The following HERC6 variants were observed in gnomAD, a reference collection of about 807,000 sequenced individuals.
HERC6 encodes the protein probable E3 ubiquitin-protein ligase HERC6.
Under a neutral mutation model 114.5 loss-of-function variants are expected in HERC6, and 101 were observed. The observed-to-expected ratio is 0.88, with a 90% CI of 0.75 to 1.04. HERC6 has a LOEUF of 1.04. HERC6 is among the 50% of genes least tolerant of loss of function. HERC6 has a pLI of 0.00. For synonymous variants in HERC6, 408 were observed against 436.2 expected, an observed-to-expected ratio of 0.94 and a Z score of 0.81; for missense variants, 1,133 against 1,230.9, an observed-to-expected ratio of 0.92 and a Z score of 1.19.
chr4:88,414,921 C>T (rs1736349079), intron 12 of HERC6, among the ~76,000 whole-genome samples: 1 of 152,114 alleles, frequency 6.6e-6, no homozygotes, highest in Non-Finnish European at 1.5e-5. Flanking sequence ...TTACCCAGCT[C>T]CTATTCAAGA....
At position 88,442,328 on chromosome 4, in the gene HERC6, C is replaced by G. The variant is rs753335568; in HGVS notation, c.2937C>G (p.His979Gln). ...CTGAAACTTTCAGTGAAAGAGATCA[C>G]CCAACATCAATAACTTGTCATAATA... is the stretch of plus-strand genomic sequence containing the variant. ...RCPETFSERDHPTSITCHNIL... is the reference protein window; with the variant it reads ...RCPETFSERDQPTSITCHNIL... The change falls in exon 23 of 23, where the codon CAC (histidine) becomes CAG (glutamine). Residue 979 changes from histidine (H) to glutamine (Q), a missense_variant. This residue lies in a region of HERC6 where 388 missense variants were observed against 445.9 expected (regional missense o/e 0.87). Coordinates refer to ENST00000264346, the MANE Select transcript of HERC6 (RefSeq NM_017912.4). 83 of 1,613,520 alleles carry G rather than the reference C, an allele frequency of 5.1e-5. 1 individual carries two copies. The South Asian group carries it at 8.5e-4, about 16-fold the overall frequency.
intron 8 of HERC6, among the ~76,000 whole-genome samples, chr4:88,403,713 C>T (rs918855543): frequency 6.6e-5 from 10 of 151,968 alleles, no homozygotes; most frequent in African/African-American, 2.4e-4. Context: ...AAGATCATGC[C>T]ACTGCACTCC....
At chr4:88,385,604 G>A in intron 3 of HERC6, 29 bp downstream of exon 3, 1 of 1,207,796 alleles carries the variant, frequency 8.3e-7, no homozygotes, top group Non-Finnish European at 1.2e-6. Context: ...ATCTGAGTGT[G>A]AGTAGGAAGT....
chr4:88,383,453 C>T lies in HERC6; in HGVS notation c.359+73C>T. On this transcript the variant is annotated intron_variant, in intron 2 of 22. Coordinates refer to ENST00000264346, the MANE Select transcript of HERC6 (RefSeq NM_017912.4). ...ATGTGCCAGGCACTGTGCAAGATGC[C>T]AGGATACAAAGACGACTATGACAGG... 3.3e-6 allele frequency: 4 copies of T among 1,228,602 alleles called. No individual in the cohort carries two copies. The South Asian group carries it at 8.0e-5, about 25-fold the overall frequency. The allele number at this position is 1,228,602 out of a possible 1,614,324, so 76.1% of individuals were successfully genotyped here. A position where few individuals can be genotyped will look rare whatever the true frequency, so the allele number is the denominator to read the frequency against.
In HERC6 at chr4:88,378,852, A is replaced by G; in HGVS notation, c.-70A>G. 7.1e-7 allele frequency: 1 copy of G among 1,406,572 alleles called. No individual in the cohort carries two copies. Among genetic ancestry groups the G allele is most frequent in the Admixed American group, 2.4e-5 (1 of 41,476 alleles). 87.1% of individuals were successfully genotyped at this position (1,406,572 alleles called of 1,614,324 possible). On this transcript the variant is annotated 5_prime_UTR_variant, in exon 1 of 23. Coordinates refer to ENST00000264346, the MANE Select transcript of HERC6 (RefSeq NM_017912.4). ...TCAGGAAATCATCGCGCACCCAGTC[A>G]CCAGCGTTCGGGAGCCTGTCGCAGC... is the stretch of plus-strand genomic sequence containing the variant.
At chr4:88,397,009 G>GGCTA in intron 7 of HERC6, 22 bp downstream of exon 7, 1 of 1,600,076 alleles carries the variant, frequency 6.2e-7, no homozygotes, top group Non-Finnish European at 8.5e-7. Context: ...ACTAATTCAT[G>GGCTA]ATTTTGTGTT....
chr4:88,384,248 T>G (rs1734466898), intron 2 of HERC6, among the ~76,000 whole-genome samples: 1 of 152,342 alleles, frequency 6.6e-6, no homozygotes, highest in Admixed American at 6.5e-5. Context: ...AAAACTTTAC[T>G]TTGGGATATT....
chr4:88,428,465 AG>A (rs1413470503), intron 15 of HERC6, 114 bp from the exon 16 acceptor site: 3 of 678,516 alleles, frequency 4.4e-6, no homozygotes, highest in Non-Finnish European at 6.9e-6. Context: ...GAATGTTTAT[AG>A]CAATGGCAGG....
At chr4:88,438,193 G>GA (rs967533852) in intron 20 of HERC6, among the ~76,000 whole-genome samples, 5 of 144,474 alleles carry the variant, frequency 3.5e-5, no homozygotes, top group Non-Finnish European at 7.6e-5. Flanking sequence ...TAATCTTTTA[G>GA]AAAAAAGAAG....
At chr4:88,424,814 C>T (rs1381137186) in intron 15 of HERC6, 112 bp downstream of exon 15, 1 of 654,878 alleles carries the variant, frequency 1.5e-6, no homozygotes, top group Non-Finnish European at 2.6e-6. Context: ...TTTTGCCACA[C>T]TTTTATCTAT....
chr4:88,417,649 G>A, intron 13 of HERC6, 70 bp downstream of exon 13: 1 of 1,299,696 alleles, frequency 7.7e-7, no homozygotes, highest in Non-Finnish European at 1.1e-6. Flanking sequence ...TCAACCAGTT[G>A]GACTTCTAAG....
chr4:88,441,794 C>G (rs926012377), intron 22 of HERC6, among the ~76,000 whole-genome samples: 1 of 152,218 alleles, frequency 6.6e-6, no homozygotes, highest in Non-Finnish European at 1.5e-5. Context: ...GTTCAGCTGT[C>G]TGTACACCCC....
chr4:88,440,069 C>T lies in HERC6; in HGVS notation c.2739+12C>T, dbSNP rs1739189962. The T allele has an allele frequency of 6.2e-7, 1 of 1,607,618 alleles. No individual in the cohort carries two copies. Among genetic ancestry groups the T allele is most frequent in the East Asian group, 2.2e-5 (1 of 44,820 alleles). On this transcript the variant is annotated intron_variant, in intron 21 of 22. Coordinates refer to ENST00000264346, the MANE Select transcript of HERC6 (RefSeq NM_017912.4). ...AACAGTTTGAACAGGTAGGTGATAC[C>T]TAAAGTGCCCCAATTTTTCCGAACA... is the stretch of plus-strand genomic sequence containing the variant.
chr4:88,414,283 C>A (rs1736299000), intron 12 of HERC6, among the ~76,000 whole-genome samples: 1 of 150,196 alleles, frequency 6.7e-6, no homozygotes, highest in Admixed American at 6.6e-5. Flanking sequence ...GCAGCCTGGG[C>A]AACATAGTGA....
At chr4:88,420,708 G>A (rs1736957112) in intron 13 of HERC6, among the ~76,000 whole-genome samples, 2 of 152,150 alleles carry the variant, frequency 1.3e-5, no homozygotes, top group Non-Finnish European at 2.9e-5. Flanking sequence ...AGGGTGGAAA[G>A]ATTGCTTGAG....
chr4:88,437,068 T>A, intron 19 of HERC6, 97 bp downstream of exon 19: 1 of 888,184 alleles, frequency 1.1e-6, no homozygotes, highest in African/African-American at 1.7e-5. Flanking sequence ...CCCTTTTTTT[T>A]TTTATTGAGG....
At chr4:88,381,127 A>G (rs1166693542) in intron 1 of HERC6, among the ~76,000 whole-genome samples, 1 of 152,146 alleles carries the variant, frequency 6.6e-6, no homozygotes, top group Non-Finnish European at 1.5e-5. Context: ...ACTGATTGAT[A>G]TTCTCGTAAG....
intron 1 of HERC6, among the ~76,000 whole-genome samples, chr4:88,382,004 T>G (rs1212074329): frequency 6.6e-6 from 1 of 152,144 alleles, no homozygotes. Context: ...TAGCATGTTT[T>G]CAGGTCTTAT....
Position 88,437,730 on chromosome 4 carries a change from A to G in HERC6, c.2504A>G (p.Asp835Gly). 1 of 1,605,718 alleles carries G rather than the reference A, an allele frequency of 6.2e-7. No individual in the cohort carries two copies. Among genetic ancestry groups the G allele is most frequent in the Admixed American group, 1.7e-5 (1 of 59,148 alleles). Residue 835 changes from aspartate (D) to glycine (G), a missense_variant, in exon 20 of 23, where the codon GAT becomes GGT. Transcript: ENST00000264346. ...TTACAGATACACTGGGACCAAAATG[A>G]TGTTGACTTAATTCCAAATGGGATC... ...IRFSIHWDQN[D>G]VDLIPNGISI... is the part of the protein sequence containing the mutation.
Sources: gnomAD v4.1 joint callset for allele counts (sites outside exome capture counted in the v4.1 genomes callset) on GRCh38, gnomAD v4.1.1 for gene constraint, gnomAD v4.1.1 regional missense constraint, MANE v1.5 for transcripts, NCBI Gene and HGNC (gene_info 2026-07-23, HGNC 2026-07-21) for gene names.